Variants in ARPP21 observed in about 807,000 individuals in gnomAD.
ARPP21 encodes cAMP regulated phosphoprotein 21, also known as cAMP-regulated phosphoprotein 21.
In ARPP21, 69 loss-of-function variants were observed where a neutral mutation model predicts 113.2. The observed-to-expected ratio is 0.61, with a 90% CI of 0.50 to 0.74. The LOEUF (loss-of-function observed/expected upper bound fraction) is 0.74, where lower values mean the gene tolerates loss of function less well. Ranked by LOEUF, ARPP21 falls within the 30% of genes least tolerant of loss-of-function variation. The probability of loss-of-function intolerance (pLI) is 0.00; values close to 1 mark genes in which losing one functional copy is unlikely to be tolerated. For synonymous variants in ARPP21, 368 were observed against 375.5 expected, an observed-to-expected ratio of 0.98 and a Z score of 0.23; for missense variants, 1,070 against 1,037.4, an observed-to-expected ratio of 1.03 and a Z score of -0.43.
At chr3:35,766,580 A>G (rs1173064535) in intron 19 of ARPP21, among the ~76,000 whole-genome samples, 1 of 152,152 alleles carries the variant, frequency 6.6e-6, no homozygotes, top group Non-Finnish European at 1.5e-5. Flanking sequence ...TCTGTAATTT[A>G]TCACTGGAGT....
Position 35,689,360 on chromosome 3 carries a change from A to G in ARPP21, c.460A>G (p.Ile154Val), listed in dbSNP as rs1194334443. The G allele has an allele frequency of 2.6e-6, 4 of 1,565,968 alleles. No individual in the cohort carries two copies. In the Admixed American group the frequency reaches 6.7e-5, roughly 26 times the overall value. The change falls in exon 7 of 21, where the codon ATT (isoleucine) becomes GTT (valine). Residue 154 changes from isoleucine to valine, a missense_variant. Physicochemically the swap from Ile to Val is conservative, Grantham distance 29. Coordinates refer to ENST00000684406, the MANE Select transcript of ARPP21 (RefSeq NM_001385562.1). ...STGIDLHEFL[I>V]NTLKNNSRDR... ...AGGCATAGACTTACACGAGTTTCTGATTAACACATTAAAGAATAATTCCAG... is the reference window on the plus strand; with the variant it reads ...AGGCATAGACTTACACGAGTTTCTGGTTAACACATTAAAGAATAATTCCAG...
rs193100659 is a variant in ARPP21, at chr3:35,790,234, T to C, written c.2138-2148T>C. 9.5e-4 allele frequency among the ~76,000 whole-genome samples: 145 copies of C among 152,358 alleles called. 1 individual carries two copies. The highest frequency in any genetic ancestry group is 1.6e-4 in the Non-Finnish European group (11 of 68,026). On this transcript the variant is annotated intron_variant, in intron 19 of 20. Transcript: ENST00000684406. Reference sequence around the variant, plus strand: ...TCTTCAGCCAGAAGTAAGGCCTTATTATATTCACAATTATATGGACTTGAG... The same window carrying C: ...TCTTCAGCCAGAAGTAAGGCCTTATCATATTCACAATTATATGGACTTGAG...
At position 35,776,647 on chromosome 3, in the gene ARPP21, G is replaced by A. The variant is rs910906066; in HGVS notation, c.2138-15735G>A. On this transcript the variant is annotated intron_variant, in intron 19 of 20. Coordinates refer to ENST00000684406, the MANE Select transcript of ARPP21 (RefSeq NM_001385562.1). ...GAAGTGTAAGCATAGCTTTGATTAG[G>A]AGACAAAGGACACAGTGGAACTGAG... 5.9e-5 allele frequency among the ~76,000 whole-genome samples: 9 copies of A among 152,284 alleles called. No individual in the cohort carries two copies. The South Asian group carries it at 1.9e-3, about 32-fold the overall frequency.
intron 19 of ARPP21, among the ~76,000 whole-genome samples, chr3:35,766,702 C>A (rs1383525685): frequency 6.6e-6 from 1 of 152,126 alleles, no homozygotes; most frequent in Admixed American, 6.6e-5. Context: ...GCAGTTTTAT[C>A]ATTTGCCAGA....
intron 14 of ARPP21, among the ~76,000 whole-genome samples, chr3:35,723,844 A>T (rs1391031265): frequency 6.6e-6 from 1 of 152,222 alleles, no homozygotes; most frequent in African/African-American, 2.4e-5. Context: ...AAAGCTTGTC[A>T]AAGTGCAGGC....
intron 19 of ARPP21, among the ~76,000 whole-genome samples, chr3:35,755,078 C>G (rs2095528058): frequency 6.6e-6 from 1 of 151,858 alleles, no homozygotes; most frequent in Admixed American, 6.6e-5. Context: ...ACAAAATAAC[C>G]CTAAAAATTT....
At chr3:35,683,990 G>T in intron 5 of ARPP21, 175 bp downstream of exon 5, 4 of 1,422,400 alleles carry the variant, frequency 2.8e-6, no homozygotes, top group Non-Finnish European at 4.0e-6. Flanking sequence ...TTAATGGTTT[G>T]TCACAGAGTA....
chr3:35,750,855 G>A (rs1195211934), intron 19 of ARPP21, among the ~76,000 whole-genome samples: 2 of 152,172 alleles, frequency 1.3e-5, no homozygotes, highest in Admixed American at 6.5e-5. Flanking sequence ...CATAAAAATA[G>A]TCTGGAAGGT....
intron 11 of ARPP21, among the ~76,000 whole-genome samples, chr3:35,712,661 C>T (rs1460525510): frequency 6.6e-6 from 1 of 151,384 alleles, no homozygotes; most frequent in African/African-American, 2.4e-5. Flanking sequence ...GAAAAAAATT[C>T]AAATCCACTT....
At chr3:35,748,324 G>A (rs1160425452) in intron 19 of ARPP21, among the ~76,000 whole-genome samples, 2 of 118,008 alleles carry the variant, frequency 1.7e-5, no homozygotes, top group Admixed American at 1.9e-4. Flanking sequence ...GAAAGAAAAA[G>A]AAAGAAAGAA....
intron 1 of ARPP21, among the ~76,000 whole-genome samples, chr3:35,653,041 C>A (rs978198863): frequency 2.0e-5 from 3 of 151,918 alleles, no homozygotes; most frequent in Non-Finnish European, 4.4e-5. Flanking sequence ...TTTGAGTTTA[C>A]CTTTGGATTA....
intron 19 of ARPP21, among the ~76,000 whole-genome samples, chr3:35,771,150 A>G (rs989237800): frequency 5.9e-5 from 9 of 152,064 alleles, no homozygotes; most frequent in Non-Finnish European, 8.8e-5. Context: ...TCTCCCTAGG[A>G]CCTACAGTCC....
chr3:35,718,181 T>C (rs2092667833), intron 13 of ARPP21, among the ~76,000 whole-genome samples: 1 of 152,172 alleles, frequency 6.6e-6, no homozygotes, highest in African/African-American at 2.4e-5. Context: ...GAAAGTACAT[T>C]TTCTGCAATA....
intron 15 of ARPP21, among the ~76,000 whole-genome samples, chr3:35,729,982 A>G (rs2093831526): frequency 6.6e-6 from 1 of 152,240 alleles, no homozygotes; most frequent in Non-Finnish European, 1.5e-5. Context: ...TGAGACATAT[A>G]GTGACCATTA....
chr3:35,782,986 G>C (rs1367690189), intron 19 of ARPP21, among the ~76,000 whole-genome samples: 1 of 151,700 alleles, frequency 6.6e-6, no homozygotes, highest in Admixed American at 6.6e-5. Flanking sequence ...TTTAACCTAG[G>C]GTCTGCTGTC....
chr3:35,670,886 C>T (rs778067146), intron 1 of ARPP21, among the ~76,000 whole-genome samples: 8 of 152,108 alleles, frequency 5.3e-5, no homozygotes, highest in South Asian at 2.1e-4. Context: ...CACTGGCCTG[C>T]GGGCCCTCTC....
chr3:35,703,626 T>C (rs1244856453), intron 9 of ARPP21, among the ~76,000 whole-genome samples: 2 of 151,760 alleles, frequency 1.3e-5, no homozygotes, highest in African/African-American at 2.4e-5. Flanking sequence ...TAATGCCATA[T>C]GTACTAAAAT....
intron 9 of ARPP21, among the ~76,000 whole-genome samples, chr3:35,705,173 C>T (rs961436837): frequency 6.6e-6 from 1 of 151,902 alleles, no homozygotes; most frequent in Non-Finnish European, 1.5e-5. Context: ...AGTCAGCATC[C>T]TAATTTCACT....
At chr3:35,685,679 C>T (rs2080340878) in intron 5 of ARPP21, 1 of 983,916 alleles carries the variant, frequency 1.0e-6, no homozygotes. Flanking sequence ...AGACCCATAC[C>T]TGATGGTTCA....
Sources: allele counts gnomAD v4.1 joint callset (sites outside exome capture counted in the v4.1 genomes callset), GRCh38; gene constraint gnomAD v4.1.1; transcripts MANE v1.5; gene names NCBI Gene and HGNC (gene_info 2026-07-23, HGNC 2026-07-21).